Variants in CD28 observed in about 807,000 individuals in gnomAD.
CD28 encodes the protein T-cell-specific surface glycoprotein CD28.
CD28 carries 8 observed loss-of-function variants against 21.4 expected under a neutral mutation model. The observed-to-expected ratio is 0.37, with a 90% CI of 0.22 to 0.68. The LOEUF (loss-of-function observed/expected upper bound fraction) is 0.68, where lower values mean the gene tolerates loss of function less well. Among genes scored for constraint, CD28 ranks in the 30% least tolerant of loss-of-function variants. The probability of loss-of-function intolerance (pLI) is 0.55; values close to 1 mark genes in which losing one functional copy is unlikely to be tolerated. For missense variants in CD28, 239 were observed against 272.2 expected, an observed-to-expected ratio of 0.88 and a Z score of 0.86; for synonymous variants, 106 against 104.0, an observed-to-expected ratio of 1.02 and a Z score of -0.12.
intron 1 of CD28, among the ~76,000 whole-genome samples, chr2:203,710,847 A>G (rs532857882): frequency 6.6e-6 from 1 of 152,334 alleles, no homozygotes; most frequent in South Asian, 2.1e-4. Flanking sequence ...CCAGCAGGTC[A>G]TGGCAAGGGA....
At chr2:203,714,119 G>A (rs1422151132) in intron 1 of CD28, among the ~76,000 whole-genome samples, 1 of 152,112 alleles carries the variant, frequency 6.6e-6, no homozygotes, top group Admixed American at 6.6e-5. Context: ...AAGTTAGAAT[G>A]AAGCTATGGT....
intron 1 of CD28, among the ~76,000 whole-genome samples, chr2:203,712,511 G>T (rs1339642149): frequency 6.6e-6 from 1 of 152,082 alleles, no homozygotes; most frequent in East Asian, 1.9e-4. Flanking sequence ...TCCCTCTCAA[G>T]TTTCTCCAAA....
chr2:203,713,050 C>T (rs1693359713), intron 1 of CD28, among the ~76,000 whole-genome samples: 1 of 152,030 alleles, frequency 6.6e-6, no homozygotes, highest in Admixed American at 6.6e-5. Context: ...CATGTTCTTA[C>T]CAATGCTGTG....
At position 203,731,765 on chromosome 2, in the gene CD28, C is replaced by A. The variant is rs143570892; in HGVS notation, c.534+1993C>A. Among the ~76,000 whole-genome samples the A allele has an allele frequency of 5.5e-4, 84 of 152,286 alleles. No individual in the cohort carries two copies. In the East Asian group the frequency reaches 0.012, roughly 22 times the overall value. ...ACATCATAGACACACTGGGTTTTTC[C>A]TTGGCAGTACTACTAATTCCTAGTG... On this transcript the variant is annotated intron_variant, in intron 3 of 3. Transcript: ENST00000324106.
chr2:203,726,035 C>G (rs1468116248), intron 1 of CD28, among the ~76,000 whole-genome samples: 1 of 151,898 alleles, frequency 6.6e-6, no homozygotes, highest in African/African-American at 2.4e-5. Context: ...ATGGTGAAAC[C>G]CCGTCTATAC....
intron 1 of CD28, among the ~76,000 whole-genome samples, chr2:203,709,276 G>A (rs1001384447): frequency 6.6e-6 from 1 of 152,060 alleles, no homozygotes; most frequent in East Asian, 1.9e-4. Context: ...TTATGCCTGT[G>A]TTGAGATGTG....
At chr2:203,715,649 A>C (rs999967785) in intron 1 of CD28, among the ~76,000 whole-genome samples, 3 of 152,056 alleles carry the variant, frequency 2.0e-5, no homozygotes, top group Admixed American at 2.0e-4. Flanking sequence ...TGAACTTCCT[A>C]ATGTACATTT....
chr2:203,726,952 C>A lies in CD28; in HGVS notation c.372C>A (p.Asp124Glu), dbSNP rs1412636143. Reference protein sequence around the residue: ...IEVMYPPPYLDNEKSNGTIIH... With the variant: ...IEVMYPPPYLENEKSNGTIIH... ...TTATGTATCCTCCTCCTTACCTAGA[C>A]AATGAGAAGAGCAATGGAACCATTA... is the stretch of plus-strand genomic sequence containing the variant. Residue 124 changes from aspartate to glutamate, a missense_variant, in exon 2 of 4, where the codon GAC (aspartate) becomes GAA (glutamate). By Grantham distance (45) the Asp-to-Glu change is conservative. Transcript: ENST00000324106. The A allele has an allele frequency of 6.2e-7, 1 of 1,607,938 alleles. No individual in the cohort carries two copies. Among genetic ancestry groups the A allele is most frequent in the Non-Finnish European group, 8.5e-7 (1 of 1,174,552 alleles).
chr2:203,733,410 T>C (rs576548836), intron 3 of CD28, among the ~76,000 whole-genome samples: 2 of 152,142 alleles, frequency 1.3e-5, no homozygotes, highest in African/African-American at 4.8e-5. Context: ...TTCACTCAGA[T>C]GAGAAACACT....
intron 1 of CD28, among the ~76,000 whole-genome samples, chr2:203,715,662 A>G (rs1693444536): frequency 6.6e-6 from 1 of 152,132 alleles, no homozygotes; most frequent in African/African-American, 2.4e-5. Context: ...GTACATTTCT[A>G]TCCCCAACTG....
At position 203,734,937 on chromosome 2, in the gene CD28, C is replaced by T. The variant is rs1202371784; in HGVS notation, c.*25C>T. 6.2e-7 allele frequency: 1 copy of T among 1,610,130 alleles called. No homozygotes were observed. Among genetic ancestry groups the T allele is most frequent in the South Asian group, 1.1e-5 (1 of 90,434 alleles). On this transcript the variant is annotated 3_prime_UTR_variant, in exon 4 of 4. Transcript: ENST00000324106. Reference sequence around the variant, plus strand: ...ACACGGACGCCTATCCAGAAGCCAGCCGGCTGGCAGCCCCCATCTGCTCAA... The same window carrying T: ...ACACGGACGCCTATCCAGAAGCCAGTCGGCTGGCAGCCCCCATCTGCTCAA...
intron 1 of CD28, among the ~76,000 whole-genome samples, chr2:203,719,973 A>T (rs1226819287): frequency 6.6e-6 from 1 of 152,136 alleles, no homozygotes; most frequent in Non-Finnish European, 1.5e-5. Flanking sequence ...CGTTTATAAT[A>T]GGTGTAAACG....
intron 1 of CD28, among the ~76,000 whole-genome samples, chr2:203,708,554 T>C (rs905334345): frequency 1.3e-5 from 2 of 152,200 alleles, no homozygotes; most frequent in Non-Finnish European, 2.9e-5. Flanking sequence ...TTTTGAAGAG[T>C]TTTTGGTAAG....
intron 1 of CD28, among the ~76,000 whole-genome samples, chr2:203,723,647 G>A (rs1693665516): frequency 6.6e-6 from 1 of 152,184 alleles, no homozygotes; most frequent in Non-Finnish European, 1.5e-5. Flanking sequence ...AAGATGCTTA[G>A]CATCATTAGT....
upstream of CD28, chr2:203,706,524 A>G: frequency 4.5e-6 from 7 of 1,551,014 alleles, no homozygotes; most frequent in Non-Finnish European, 6.1e-6. Flanking sequence ...TGCAGTCAGG[A>G]TGCCTTGTGG....
At position 203,738,565 on chromosome 2, in the gene CD28, G is replaced by A. The variant is rs766098217; in HGVS notation, c.*3653G>A. Reference sequence around the variant, plus strand: ...TGCATACTTTCTGACATATAGGAATGTATCAGGAATACTCAACCATCACAG... The same window carrying A: ...TGCATACTTTCTGACATATAGGAATATATCAGGAATACTCAACCATCACAG... On this transcript the variant is annotated 3_prime_UTR_variant, in exon 4 of 4. Transcript: ENST00000324106. 1 of 152,160 alleles carries A rather than the reference G, an allele frequency of 6.6e-6. No homozygotes were observed. The allele number at this position is 152,160 out of a possible 1,614,324, so 9.4% of individuals were successfully genotyped here.
At chr2:203,711,104 G>A (rs1693299505) in intron 1 of CD28, among the ~76,000 whole-genome samples, 1 of 152,080 alleles carries the variant, frequency 6.6e-6, no homozygotes, top group Admixed American at 6.6e-5. Flanking sequence ...CAATGACAGG[G>A]TGTTAGCACC....
Position 203,734,939 on chromosome 2 carries a change from G to T in CD28, c.*27G>T. The T allele has an allele frequency of 6.2e-7, 1 of 1,610,016 alleles. No homozygotes were observed. The highest frequency in any genetic ancestry group is 1.1e-5 in the South Asian group (1 of 90,476). ...ACGGACGCCTATCCAGAAGCCAGCC[G>T]GCTGGCAGCCCCCATCTGCTCAATA... On this transcript the variant is annotated 3_prime_UTR_variant, in exon 4 of 4. Transcript: ENST00000324106.
chr2:203,727,749 G>A (rs1204395030), intron 2 of CD28, among the ~76,000 whole-genome samples: 4 of 148,396 alleles, frequency 2.7e-5, no homozygotes, highest in Non-Finnish European at 3.0e-5. Context: ...GCGCGATCTC[G>A]GCTCACTGCA....
Sources: gnomAD v4.1 joint callset for allele counts (sites outside exome capture counted in the v4.1 genomes callset) on GRCh38, gnomAD v4.1.1 for gene constraint, MANE v1.5 for transcripts, NCBI Gene and HGNC (gene_info 2026-07-23, HGNC 2026-07-21) for gene names.